The following RP1L1 variants were observed in gnomAD, a reference collection of about 807,000 sequenced individuals.
RP1L1 encodes retinitis pigmentosa 1-like 1 protein.
Under a neutral mutation model 15.7 loss-of-function variants are expected in RP1L1, and 27 were observed. The ratio of observed to expected loss-of-function variants is 1.72; its 90% CI spans 1.27 to 2.38. RP1L1 has a LOEUF of 2.38. RP1L1 is among the 30% of genes most tolerant of loss of function. RP1L1 has a pLI of 0.00. For synonymous variants in RP1L1, 1,813 were observed against 1,276.7 expected (o/e 1.42, Z -8.96); for missense variants, 4,798 against 3,075.9 (o/e 1.56, Z -13.24).
intron 3 of RP1L1, among the ~76,000 whole-genome samples, chr8:10,615,528 G>T (rs1033354103): frequency 3.9e-5 from 6 of 152,146 alleles, no homozygotes; most frequent in Non-Finnish European, 8.8e-5. Flanking sequence ...TGATGTCATG[G>T]CCACTGTAGT....
rs1797889708 is a variant in RP1L1, at chr8:10,612,733, T to C, written c.1365A>G (p.Pro455=). The change falls in exon 4 of 4, where the codon CCA becomes CCG. Residue 455 remains proline (P), a synonymous_variant. Coordinates refer to ENST00000382483, the MANE Select transcript of RP1L1 (RefSeq NM_178857.6). ...RERCSQDSAS[P]ASSTGLPEGS... is the part of the protein sequence containing the mutation. ...CCTCGGGGAGGCCGGTGCTGGAGGC[T>C]GGGCTGGCACTGTCCTGGCTGCATC... 6.2e-7 allele frequency: 1 copy of C among 1,606,614 alleles called. No individual in the cohort carries two copies. The highest frequency in any genetic ancestry group is 1.7e-5 in the Admixed American group (1 of 60,002).
chr8:10,641,017 C>T (rs752845836), intron 1 of RP1L1, among the ~76,000 whole-genome samples: 2 of 152,174 alleles, frequency 1.3e-5, no homozygotes, highest in East Asian at 1.9e-4. Context: ...GCAATCCTCT[C>T]GCCTCAGCCT....
chr8:10,648,467 A>T (rs1798512534), intron 1 of RP1L1, among the ~76,000 whole-genome samples: 1 of 152,116 alleles, frequency 6.6e-6, no homozygotes, highest in South Asian at 2.1e-4. Context: ...GGCAAGTCTG[A>T]CACACAAGTA....
At chr8:10,644,342 G>A (rs1798446470) in intron 1 of RP1L1, among the ~76,000 whole-genome samples, 1 of 151,782 alleles carries the variant, frequency 6.6e-6, no homozygotes, top group Non-Finnish European at 1.5e-5. Flanking sequence ...ATCTGCCCAT[G>A]CTGAAATTCT....
chr8:10,612,368 G>A lies in RP1L1; in HGVS notation c.1730C>T (p.Pro577Leu), dbSNP rs371971690. ...CCTTAAAGATGAAAGACTCAGGGCT[G>A]GAGAAGCGGGGTCGCCTCCCTCGCT... ...EASEGGDPAS[P>L]ALSLSSLRSD... is the part of the protein sequence containing the mutation. Residue 577 changes from proline (P) to leucine (L), a missense_variant, in exon 4 of 4, where the codon CCA (proline) becomes CTA (leucine). Physicochemically the swap from Pro to Leu is moderately conservative, Grantham distance 98. Coordinates refer to ENST00000382483, the MANE Select transcript of RP1L1 (RefSeq NM_178857.6). 6.2e-7 allele frequency: 1 copy of A among 1,612,864 alleles called. No homozygotes were observed. Among genetic ancestry groups the A allele is most frequent in the Non-Finnish European group, 8.5e-7 (1 of 1,180,028 alleles).
intron 1 of RP1L1, among the ~76,000 whole-genome samples, chr8:10,625,898 G>A (rs543348465): frequency 1.3e-5 from 2 of 152,068 alleles, no homozygotes; most frequent in Non-Finnish European, 2.9e-5. Context: ...TGCAGGTGGG[G>A]GGCAGGCAGC....
Position 10,609,958 on chromosome 8 carries a change from C to A in RP1L1, c.4140G>T (p.Gly1380=), listed in dbSNP as rs752958001. The part of the protein sequence containing the change: ...EGVQLEEVKE[G]PEGGLQGEAL... The stretch of plus-strand genomic sequence containing the variant: ...CCTCTCCTTGCAGTCCTCCTTCTGG[C>A]CCTTCTTTAACTTCCTCTAACTGCA... The change falls in exon 4 of 4, where the codon GGG becomes GGT. Residue 1380 remains glycine, a synonymous_variant. Transcript: ENST00000382483. 1 of 1,595,882 alleles carries A rather than the reference C, an allele frequency of 6.3e-7. No individual in the cohort carries two copies. The highest frequency in any genetic ancestry group is 1.4e-5 in the African/African-American group (1 of 71,560).
intron 1 of RP1L1, among the ~76,000 whole-genome samples, chr8:10,636,606 G>A (rs1479653835): frequency 6.6e-6 from 1 of 152,138 alleles, no homozygotes; most frequent in Non-Finnish European, 1.5e-5. Flanking sequence ...AGGCGTGGGG[G>A]CAACAGGAAG....
rs1161501442 is a variant in RP1L1 at position 10,612,608 on chromosome 8, C to G, written c.1490G>C (p.Gly497Ala). 6.2e-7 allele frequency: 1 copy of G among 1,603,064 alleles called. No individual in the cohort carries two copies. Among genetic ancestry groups the G allele is most frequent in the South Asian group, 1.1e-5 (1 of 91,064 alleles). Residue 497 changes from glycine to alanine, a missense_variant, in exon 4 of 4, where the codon GGG (glycine) becomes GCG (alanine). Transcript: ENST00000382483. Reference sequence around the variant, plus strand: ...TAGGCCGGGGTCCTCACCCAGGCTCCCTCCAGCTTTCCGCTCAGCCCCTAT... The same window carrying G: ...TAGGCCGGGGTCCTCACCCAGGCTCGCTCCAGCTTTCCGCTCAGCCCCTAT... ...AQIGAERKAG[G>A]SLGEDPGLCI...
chr8:10,649,439 G>C (rs891345714), intron 1 of RP1L1, among the ~76,000 whole-genome samples: 4 of 152,206 alleles, frequency 2.6e-5, no homozygotes, highest in African/African-American at 4.8e-5. Flanking sequence ...CCCATGGCTA[G>C]CTGAGTCCCA....
At position 10,607,531 on chromosome 8, in the gene RP1L1, G is replaced by C. The variant is rs368764181; in HGVS notation, c.6567C>G (p.Ala2189=). 4 of 1,606,520 alleles carry C rather than the reference G, an allele frequency of 2.5e-6. No homozygotes were observed. The African/African-American group carries it at 5.4e-5, about 22-fold the overall frequency. The part of the protein sequence containing the change: ...GVEAPEAEGE[A]QPESEGIEAP... ...CCTCTATACCTTCTGACTCTGGCTG[G>C]GCCTCCCCTTCTGCCTCTGGGGCCT... The change falls in exon 4 of 4, where the codon GCC becomes GCG. Residue 2189 remains alanine, a synonymous_variant. Transcript: ENST00000382483.
chr8:10,616,083 T>C (rs979140443), intron 3 of RP1L1, among the ~76,000 whole-genome samples: 162 of 150,858 alleles, frequency 1.1e-3, no homozygotes, highest in African/African-American at 3.7e-3. Context: ...TTTTTTGTAT[T>C]TTTTTTTTAG....
In RP1L1 at chr8:10,631,202, A is replaced by AC. The variant is rs1563135106; in HGVS notation, c.-19-7983_-19-7982insG. Among the ~76,000 whole-genome samples the AC allele has an allele frequency of 5.1e-4, 76 of 150,184 alleles. No individual in the cohort carries two copies. In the East Asian group the frequency reaches 9.3e-3, roughly 18 times the overall value. ...TTGTCATGGCAACAGCACCTGCAAA[A>AC]ACACACACACACACACACACAAACG... On this transcript the variant is annotated intron_variant, in intron 1 of 3. Coordinates refer to ENST00000382483, the MANE Select transcript of RP1L1 (RefSeq NM_178857.6).
At chr8:10,654,599 C>T (rs920099558) in intron 1 of RP1L1, among the ~76,000 whole-genome samples, 1 of 152,184 alleles carries the variant, frequency 6.6e-6, no homozygotes, top group African/African-American at 2.4e-5. Context: ...CTGCATTGCT[C>T]ACCCTCCAGG....
Position 10,609,772 on chromosome 8 carries a change from G to C in RP1L1, c.4326C>G (p.Cys1442Trp), listed in dbSNP as rs764822664. The C allele has an allele frequency of 1.9e-6, 3 of 1,613,562 alleles. No individual in the cohort carries two copies. The South Asian group carries it at 3.3e-5, about 18-fold the overall frequency. Residue 1442 changes from cysteine (C) to tryptophan (W), a missense_variant, in exon 4 of 4, where the codon TGC (cysteine) becomes TGG (tryptophan). By Grantham distance (215) the Cys-to-Trp change is radical (BLOSUM62 -2). Transcript: ENST00000382483. The part of the protein sequence containing the change: ...AGRASASAEP[C>W]PAEGTEEPTE... ...TGGGTTCCTCTGTGCCCTCTGCGGGGCACGGCTCTGCAGAGGCAGAGGCTC... is the reference window on the plus strand; with the variant it reads ...TGGGTTCCTCTGTGCCCTCTGCGGGCCACGGCTCTGCAGAGGCAGAGGCTC...
chr8:10,610,941 C>T lies in RP1L1; in HGVS notation c.3157G>A (p.Glu1053Lys), dbSNP rs139223185. 217 of 1,611,610 alleles carry T rather than the reference C, an allele frequency of 1.3e-4. No individual in the cohort carries two copies. In the African/African-American group the frequency reaches 1.7e-3, roughly 12 times the overall value. The part of the protein sequence containing the change: ...PQGAAPEGVS[E>K]APAEAGADRE... ...TCTGCTCCGGCCTCTGCAGGGGCCT[C>T]GGAAACTCCCTCTGGAGCTGCCCCT... Residue 1053 changes from glutamate to lysine, a missense_variant, in exon 4 of 4, where the codon GAG becomes AAG. Coordinates refer to ENST00000382483, the MANE Select transcript of RP1L1 (RefSeq NM_178857.6).
In RP1L1 at chr8:10,607,171, G is replaced by A. The variant is rs370384401; in HGVS notation, c.6927C>T (p.Cys2309=). 7 of 1,614,130 alleles carry A rather than the reference G, an allele frequency of 4.3e-6. No individual in the cohort carries two copies. The African/African-American group carries it at 8.0e-5, about 18-fold the overall frequency. Residue 2309 remains cysteine (C), a synonymous_variant, in exon 4 of 4, where the codon TGC becomes TGT. Coordinates refer to ENST00000382483, the MANE Select transcript of RP1L1 (RefSeq NM_178857.6). ...GGTCATTTTCTGAGTCTTTCTGCCA[G>A]CAGTTGCCCCAAGAGGATGCTCTGG... The part of the protein sequence containing the change: ...SSSRASSWGN[C]WQKDSENDHV...
At chr8:10,621,860 C>T in intron 2 of RP1L1, 4 of 442,982 alleles carry the variant, frequency 9.0e-6, no homozygotes, top group South Asian at 6.4e-5. Context: ...CCTGCACATG[C>T]TGGGAGCCAT....
intron 1 of RP1L1, among the ~76,000 whole-genome samples, chr8:10,653,377 A>G (rs908241528): frequency 2.0e-5 from 3 of 152,010 alleles, no homozygotes; most frequent in Non-Finnish European, 4.4e-5. Flanking sequence ...GCAGAGGAGC[A>G]GAGAACTATG....
Sources: allele counts gnomAD v4.1 joint callset (sites outside exome capture counted in the v4.1 genomes callset), GRCh38; gene constraint gnomAD v4.1.1; transcripts MANE v1.5; gene names NCBI Gene and HGNC (gene_info 2026-07-23, HGNC 2026-07-21).